CALCRL: variants seen among roughly 807,000 people sequenced by gnomAD.
CALCRL encodes the protein calcitonin receptor like receptor.
Under a neutral mutation model 60.4 loss-of-function variants are expected in CALCRL, and 27 were observed. That is an observed-to-expected ratio of 0.45 (90% CI 0.33 to 0.62). The LOEUF (loss-of-function observed/expected upper bound fraction) is 0.62, where lower values mean the gene tolerates loss of function less well. Among genes scored for constraint, CALCRL ranks in the 20% least tolerant of loss-of-function variants. CALCRL has a pLI of 0.03. For synonymous variants in CALCRL, 190 were observed against 182.6 expected (o/e 1.04, Z -0.33); for missense variants, 424 against 540.7 (o/e 0.78, Z 2.14).
intron 8 of CALCRL, among the ~76,000 whole-genome samples, chr2:187,365,563 A>G (rs537873072): frequency 1.3e-5 from 2 of 152,360 alleles, no homozygotes; most frequent in Non-Finnish European, 2.9e-5. Context: ...GGCTAAGTCC[A>G]TATCTATAAA....
intron 1 of CALCRL, among the ~76,000 whole-genome samples, chr2:187,437,813 G>GT (rs1690718126): frequency 6.6e-6 from 1 of 152,140 alleles, no homozygotes; most frequent in African/African-American, 2.4e-5. Context: ...AATGTTTTGA[G>GT]TAATAGTTCA....
intron 1 of CALCRL, among the ~76,000 whole-genome samples, chr2:187,424,665 A>T (rs1432307248): frequency 6.6e-6 from 1 of 152,024 alleles, no homozygotes; most frequent in Non-Finnish European, 1.5e-5. Flanking sequence ...AAGTATGAAG[A>T]TGTGCAGTTT....
intron 1 of CALCRL, among the ~76,000 whole-genome samples, chr2:187,421,946 A>T (rs1157186459): frequency 6.6e-6 from 1 of 152,202 alleles, no homozygotes; most frequent in Non-Finnish European, 1.5e-5. Context: ...AAGCATACAG[A>T]TGCTGGTGGG....
intron 9 of CALCRL, 56 bp from the exon 10 acceptor site, chr2:187,360,807 C>A: frequency 2.0e-6 from 3 of 1,499,790 alleles, no homozygotes; most frequent in East Asian, 2.3e-5. Context: ...ACATGTAAAG[C>A]AATACTCTAG....
chr2:187,346,112 G>T lies in CALCRL; in HGVS notation c.*72C>A. On this transcript the variant is annotated 3_prime_UTR_variant, in exon 15 of 15. Transcript: ENST00000392370. Reference sequence around the variant, plus strand: ...AGTCATTTAATATTGAAGTCTTCTGGCTACAGAGTCATGGGTCCAAGTCCT... The same window carrying T: ...AGTCATTTAATATTGAAGTCTTCTGTCTACAGAGTCATGGGTCCAAGTCCT... 1 of 890,314 alleles carries T rather than the reference G, an allele frequency of 1.1e-6. No individual in the cohort carries two copies. Among genetic ancestry groups the T allele is most frequent in the Non-Finnish European group, 1.7e-6 (1 of 578,468 alleles). The allele number at this position is 890,314 out of a possible 1,614,324, so 55.2% of individuals were successfully genotyped here.
At chr2:187,424,059 T>C (rs1690014677) in intron 1 of CALCRL, among the ~76,000 whole-genome samples, 1 of 152,030 alleles carries the variant, frequency 6.6e-6, no homozygotes, top group Admixed American at 6.6e-5. Context: ...TTAATGGATA[T>C]TTGATGCCAT....
chr2:187,425,507 G>T (rs991741464), intron 1 of CALCRL, among the ~76,000 whole-genome samples: 1 of 151,784 alleles, frequency 6.6e-6, no homozygotes, highest in Non-Finnish European at 1.5e-5. Flanking sequence ...GTAATATTAG[G>T]TTGCATTATT....
chr2:187,443,158 G>T (rs1574334698), intron 1 of CALCRL, among the ~76,000 whole-genome samples: 1 of 151,750 alleles, frequency 6.6e-6, no homozygotes. Context: ...CAAAAGGATG[G>T]TCACTGTAAC....
intron 1 of CALCRL, among the ~76,000 whole-genome samples, chr2:187,431,574 G>A (rs1225435539): frequency 6.6e-6 from 1 of 152,084 alleles, no homozygotes. Flanking sequence ...AAAGTAATCA[G>A]TAACTTTGTT....
intron 1 of CALCRL, among the ~76,000 whole-genome samples, chr2:187,400,108 CAAAG>C (rs1005556688): frequency 1.3e-5 from 2 of 151,292 alleles, no homozygotes; most frequent in African/African-American, 2.4e-5. Context: ...GCTTTGAACA[CAAAG>C]AAACAATATA....
intron 1 of CALCRL, among the ~76,000 whole-genome samples, chr2:187,417,910 C>G (rs1050082323): frequency 2.6e-5 from 4 of 151,938 alleles, no homozygotes; most frequent in African/African-American, 4.8e-5. Flanking sequence ...AAAAAGTAAC[C>G]CACAGTATAG....
rs541869217 is a variant in CALCRL, at chr2:187,390,365, G to C, written c.-292-2609C>G. ...AAATATTATTCTATGTAAAAATCACGTATGTTTTACAAAATAATTTTTTAA... is the reference window on the plus strand; with the variant it reads ...AAATATTATTCTATGTAAAAATCACCTATGTTTTACAAAATAATTTTTTAA... On this transcript the variant is annotated intron_variant, in intron 1 of 14. Transcript: ENST00000392370. 2.8e-4 allele frequency among the ~76,000 whole-genome samples: 43 copies of C among 152,114 alleles called. No individual in the cohort carries two copies. In the South Asian group the frequency reaches 8.1e-3, roughly 29 times the overall value.
intron 1 of CALCRL, among the ~76,000 whole-genome samples, chr2:187,447,443 G>C (rs999790823): frequency 6.6e-5 from 10 of 151,764 alleles, no homozygotes; most frequent in Non-Finnish European, 1.0e-4. Context: ...GCAGAAGAGA[G>C]ATTTAAACAC....
At chr2:187,415,190 GAA>G (rs1028444891) in intron 1 of CALCRL, among the ~76,000 whole-genome samples, 4 of 152,148 alleles carry the variant, frequency 2.6e-5, no homozygotes, top group African/African-American at 4.8e-5. Context: ...TAGAATATAT[GAA>G]AAGTCCACAC....
In CALCRL at chr2:187,359,073, G is replaced by A; in HGVS notation, c.899C>T (p.Ala300Val). The A allele has an allele frequency of 6.2e-7, 1 of 1,611,518 alleles. No individual in the cohort carries two copies. Among genetic ancestry groups the A allele is most frequent in the Non-Finnish European group, 8.5e-7 (1 of 1,177,752 alleles). Residue 300 changes from alanine (A) to valine (V), a missense_variant, in exon 12 of 15, where the codon GCT becomes GTT. This residue lies in a region of CALCRL where 222 missense variants were observed against 265.6 expected (regional missense o/e 0.84). Transcript: ENST00000392370. ...LLYIIHGPIC[A>V]ALLVNLFFLL... is the part of the protein sequence containing the mutation. ...GAATTTGTTACATACCAGTAAAGCA[G>A]CACAAATTGGGCCATGGATAATGTA...
intron 14 of CALCRL, 124 bp from the exon 15 acceptor site, chr2:187,346,523 C>A (rs1180676957): frequency 1.6e-5 from 10 of 631,760 alleles, no homozygotes; most frequent in Non-Finnish European, 2.4e-5. Context: ...TTATGTTAAT[C>A]AGTGAATAAT....
Position 187,346,302 on chromosome 2 carries a change from AC to A in CALCRL, c.1267del (p.Val423CysfsTer19). On this transcript the variant is annotated frameshift_variant, in exon 15 of 15. Transcript: ENST00000392370. LOFTEE classifies it high-confidence loss of function. ...SEALRSASYT[V>X]STISDGPGYS... ...ACCTGGACCATCACTGATTGTTGAC[AC>A]TGTGTAAGACGCACTACGAAGAGCT... 1 of 1,612,500 alleles carries A rather than the reference AC, an allele frequency of 6.2e-7. No homozygotes were observed. The highest frequency in any genetic ancestry group is 8.5e-7 in the Non-Finnish European group (1 of 1,179,002).
At chr2:187,419,659 TTGAGTAGG>T (rs1272778828) in intron 1 of CALCRL, among the ~76,000 whole-genome samples, 2 of 152,192 alleles carry the variant, frequency 1.3e-5, no homozygotes, top group Non-Finnish European at 2.9e-5. Flanking sequence ...TTCCTTATTA[TTGAGTAGG>T]CCATTTCATT....
intron 1 of CALCRL, among the ~76,000 whole-genome samples, chr2:187,434,129 AAGTT>A (rs1474128215): frequency 6.6e-6 from 1 of 152,140 alleles, no homozygotes; most frequent in Non-Finnish European, 1.5e-5. Context: ...GAGAAATAGA[AAGTT>A]AGAGCTAAGA....
Sources: allele counts gnomAD v4.1 joint callset (sites outside exome capture counted in the v4.1 genomes callset), GRCh38; gene constraint gnomAD v4.1.1; regional missense constraint gnomAD v4.1.1; transcripts MANE v1.5; gene names NCBI Gene and HGNC (gene_info 2026-07-23, HGNC 2026-07-21).